THOC5: variants seen among roughly 807,000 people sequenced by gnomAD.
The protein encoded by THOC5 is Fms-interacting protein.
THOC5 carries 43 observed loss-of-function variants against 92.9 expected under a neutral mutation model. The observed-to-expected ratio is 0.46, with a 90% confidence interval of 0.36 to 0.60. The LOEUF (loss-of-function observed/expected upper bound fraction) is 0.60. Among genes scored for constraint, THOC5 ranks in the 20% least tolerant of loss-of-function variants. The probability of loss-of-function intolerance (pLI) is 0.00; values close to 1 mark genes in which losing one functional copy is unlikely to be tolerated. For missense variants in THOC5, 659 were observed against 849.4 expected (o/e 0.78, Z 2.79); for synonymous variants, 296 against 320.1 (o/e 0.92, Z 0.80).
intron 7 of THOC5, among the ~76,000 whole-genome samples, chr22:29,533,911 T>A (rs1701499965): frequency 6.6e-6 from 1 of 152,208 alleles, no homozygotes; most frequent in Non-Finnish European, 1.5e-5. Context: ...TACAACCAGT[T>A]TAGAAAACTG....
At chr22:29,530,841 A>T (rs942475945) in intron 8 of THOC5, among the ~76,000 whole-genome samples, 15 of 152,060 alleles carry the variant, frequency 9.9e-5, no homozygotes, top group African/African-American at 2.9e-4. Flanking sequence ...AGAGCCTGAA[A>T]CGGTTTGCCT....
In THOC5 at chr22:29,507,012, G is replaced by A. The variant is rs2063146454; in HGVS notation, c.*1445C>T. 6.6e-6 allele frequency: 1 copy of A among 152,068 alleles called. No individual in the cohort carries two copies. The highest frequency in any genetic ancestry group is 1.5e-5 in the Non-Finnish European group (1 of 68,038). The allele number at this position is 152,068 out of a possible 1,614,324, so 9.4% of individuals were successfully genotyped here. A position where few individuals can be genotyped will look rare whatever the true frequency, so the allele number is the denominator to read the frequency against. ...GCCTTCTGAGTAACTGGGACTATTGGTGCATACCACCACACCTGGCTGATT... is the reference window on the plus strand; with the variant it reads ...GCCTTCTGAGTAACTGGGACTATTGATGCATACCACCACACCTGGCTGATT... On this transcript the variant is annotated 3_prime_UTR_variant, in exon 20 of 20. Coordinates refer to ENST00000490103, the MANE Select transcript of THOC5 (RefSeq NM_003678.5).
At chr22:29,516,761 A>G (rs1004193774) in intron 17 of THOC5, among the ~76,000 whole-genome samples, 1 of 152,222 alleles carries the variant, frequency 6.6e-6, no homozygotes, top group African/African-American at 2.4e-5. Context: ...CAGCGCTCAG[A>G]CTGGGCTTGC....
In THOC5 at chr22:29,534,979, G is replaced by C. The variant is rs1402272261; in HGVS notation, c.714+1645C>G. 6.9e-5 allele frequency: 7 copies of C among 101,486 alleles called. No homozygotes were observed. The East Asian group carries it at 2.7e-3, about 38-fold the overall frequency. The allele number at this position is 101,486 out of a possible 1,614,324, so 6.3% of individuals were successfully genotyped here. On this transcript the variant is annotated intron_variant, in intron 7 of 19. Coordinates refer to ENST00000490103, the MANE Select transcript of THOC5 (RefSeq NM_003678.5). ...GTCTCAAAAAAAAAAAAAAAAAAAA[G>C]CATTTTAGGCCGGGTGTGGGGGCTC...
intron 13 of THOC5, 58 bp downstream of exon 13, chr22:29,520,940 G>A: frequency 7.3e-7 from 1 of 1,368,770 alleles, no homozygotes; most frequent in Non-Finnish European, 1.0e-6. Flanking sequence ...CATTTAGCTT[G>A]AGCCACCAGA....
intron 17 of THOC5, among the ~76,000 whole-genome samples, chr22:29,512,643 C>T (rs976619944): frequency 1.3e-5 from 2 of 152,200 alleles, no homozygotes; most frequent in Non-Finnish European, 1.5e-5. Context: ...ATCCCAGGCA[C>T]TGTGCTAAAC....
At chr22:29,517,240 T>G (rs759852366) in intron 16 of THOC5, 23 bp downstream of exon 16, 2 of 1,610,620 alleles carry the variant, frequency 1.2e-6, no homozygotes, top group South Asian at 1.1e-5. Flanking sequence ...ACAGTAAGGG[T>G]AACTTGTCAC....
intron 12 of THOC5, among the ~76,000 whole-genome samples, chr22:29,523,053 C>T (rs2063475875): frequency 1.3e-5 from 2 of 149,946 alleles, no homozygotes; most frequent in African/African-American, 4.9e-5. Flanking sequence ...ACTGGCCTGG[C>T]CAACATGGCA....
At chr22:29,522,714 C>T (rs1185600119) in intron 12 of THOC5, among the ~76,000 whole-genome samples, 1 of 152,024 alleles carries the variant, frequency 6.6e-6, no homozygotes, top group East Asian at 1.9e-4. Context: ...ATTAAAAAAA[C>T]CTTAGTGGCC....
In THOC5 at chr22:29,525,858, C is replaced by T. The variant is rs150202892; in HGVS notation, c.1155G>A (p.Leu385=). ...AATACCCTGCACTGATGGGGGTGATCAGCTCCATGGCAGTTGTCACTTTGG... is the reference window on the plus strand; with the variant it reads ...AATACCCTGCACTGATGGGGGTGATTAGCTCCATGGCAGTTGTCACTTTGG... ...VKAKVTTAME[L]ITPISAGDLL... The change falls in exon 12 of 20, where the codon CTG becomes CTA. Residue 385 remains leucine, a synonymous_variant. Transcript: ENST00000490103. 1 of 1,613,792 alleles carries T rather than the reference C, an allele frequency of 6.2e-7. No homozygotes were observed. The highest frequency in any genetic ancestry group is 1.3e-5 in the African/African-American group (1 of 74,892).
At chr22:29,526,869 G>A (rs767712259) in intron 11 of THOC5, among the ~76,000 whole-genome samples, 45 of 152,138 alleles carry the variant, frequency 3.0e-4, no homozygotes, top group Non-Finnish European at 5.9e-4. Flanking sequence ...TCACTGCCTA[G>A]AGCAGACTAA....
intron 17 of THOC5, among the ~76,000 whole-genome samples, chr22:29,513,088 C>T (rs941996422): frequency 2.0e-5 from 3 of 152,128 alleles, no homozygotes; most frequent in South Asian, 2.1e-4. Flanking sequence ...CGGTGGCTCA[C>T]GCCTGTAATC....
rs766046316 is a variant in THOC5 at position 29,520,074 on chromosome 22, C to A, written c.1308G>T (p.Glu436Asp). The change falls in exon 14 of 20, where the codon GAG becomes GAT. Residue 436 changes from glutamate to aspartate, a missense_variant. Glu to Asp is a conservative substitution (Grantham distance 45). Transcript: ENST00000490103. ...GCACCCACAAATAGGGGTGACCTAG[C>A]TCAAGTACATAGTCGCTCAAAGTCA... ...GILTLSDYVL[E>D]LGHPYLWVQK... 1 of 1,613,876 alleles carries A rather than the reference C, an allele frequency of 6.2e-7. No individual in the cohort carries two copies. Among genetic ancestry groups the A allele is most frequent in the South Asian group, 1.1e-5 (1 of 91,076 alleles).
chr22:29,526,760 A>G (rs1255918916), intron 11 of THOC5, among the ~76,000 whole-genome samples: 1 of 152,162 alleles, frequency 6.6e-6, no homozygotes. Context: ...TACTCCTGAT[A>G]TGACATGATA....
Position 29,512,108 on chromosome 22 carries a change from G to A in THOC5, c.1710C>T (p.Asn570=), listed in dbSNP as rs769311598. 33 of 1,614,134 alleles carry A rather than the reference G, an allele frequency of 2.0e-5. No individual in the cohort carries two copies. The South Asian group carries it at 3.4e-4, about 17-fold the overall frequency. The change falls in exon 18 of 20, where the codon AAC becomes AAT. Residue 570 remains asparagine (N), a synonymous_variant. Transcript: ENST00000490103. ...TAKLQAAVVL[N]PGYSSIPPVF... is the part of the protein sequence containing the mutation. ...CAGGTGGGATGGAGGAGTAGCCAGG[G>A]TTCAACACCACAGCGGCCTGCAGTT...
intron 10 of THOC5, 116 bp from the exon 11 acceptor site, chr22:29,528,293 G>C (rs1306658268): frequency 1.2e-6 from 2 of 1,613,810 alleles, no homozygotes; most frequent in Non-Finnish European, 1.7e-6. Flanking sequence ...CAGCTAGCTG[G>C]GTTGTCAGAC....
At chr22:29,536,527 T>C in intron 7 of THOC5, 97 bp downstream of exon 7, 1 of 729,808 alleles carries the variant, frequency 1.4e-6, no homozygotes. Flanking sequence ...TATACTCTAA[T>C]TTAGGGTAAT....
intron 13 of THOC5, among the ~76,000 whole-genome samples, chr22:29,520,662 A>G (rs1261167140): frequency 6.6e-6 from 1 of 151,932 alleles, no homozygotes; most frequent in East Asian, 1.9e-4. Context: ...TGCCTGGCTA[A>G]TTTTTGTATT....
chr22:29,530,484 C>A (rs1414392367), intron 8 of THOC5, among the ~76,000 whole-genome samples: 1 of 151,944 alleles, frequency 6.6e-6, no homozygotes, highest in Non-Finnish European at 1.5e-5. Context: ...CATGCCACTG[C>A]ACTCCAGCCT....
Sources: allele counts gnomAD v4.1 joint callset (sites outside exome capture counted in the v4.1 genomes callset), GRCh38; gene constraint gnomAD v4.1.1; transcripts MANE v1.5; gene names NCBI Gene and HGNC (gene_info 2026-07-23, HGNC 2026-07-21).